Variants in SLIT2 observed in about 807,000 individuals in gnomAD.
SLIT2 encodes slit guidance ligand 2, also known as slit homolog 2 protein.
Under a neutral mutation model 185.7 loss-of-function variants are expected in SLIT2, and 41 were observed. That is an observed-to-expected ratio of 0.22 (90% CI 0.17 to 0.29). The LOEUF (loss-of-function observed/expected upper bound fraction) is 0.29, where lower values mean the gene tolerates loss of function less well. SLIT2 is among the 10% of genes least tolerant of loss of function. SLIT2 has a pLI of 1.00. For synonymous variants in SLIT2, 693 were observed against 680.2 expected, an observed-to-expected ratio of 1.02 and a Z score of -0.29; for missense variants, 1,571 against 1,909.0, an observed-to-expected ratio of 0.82 and a Z score of 3.30.
Position 20,567,357 on chromosome 4 carries a change from T to C in SLIT2, c.2821T>C (p.Tyr941His), listed in dbSNP as rs1310592888. Residue 941 changes from tyrosine to histidine, a missense_variant, in exon 27 of 37, where the codon TAC becomes CAC. Transcript: ENST00000504154. The stretch of plus-strand genomic sequence containing the variant: ...ATGTAATAGTGATCCAGTTGACTTT[T>C]ACCGATGCACCTGTCCATATGGTTT... The part of the protein sequence containing the change: ...GTCNSDPVDF[Y>H]RCTCPYGFKG... 6.2e-7 allele frequency: 1 copy of C among 1,613,322 alleles called. No individual in the cohort carries two copies. The highest frequency in any genetic ancestry group is 2.2e-5 in the East Asian group (1 of 44,860).
intron 4 of SLIT2, among the ~76,000 whole-genome samples, chr4:20,319,604 G>T (rs1296687444): frequency 2.0e-5 from 3 of 152,072 alleles, no homozygotes; most frequent in Admixed American, 1.3e-4. Context: ...AGTAATTCCA[G>T]TATGGAATTC....
At chr4:20,264,119 C>G (rs1348988289) in intron 3 of SLIT2, among the ~76,000 whole-genome samples, 1 of 151,758 alleles carries the variant, frequency 6.6e-6, no homozygotes, top group Non-Finnish European at 1.5e-5. Flanking sequence ...ACATCCCTAG[C>G]AAGGAATACA....
In SLIT2 at chr4:20,528,175, TG is replaced by T; in HGVS notation, c.1463-773del. ...ATAAACATTCTGCGGGAAGAATGCA[TG>T]TCATGTAAACAGTATTACGTTTCCA... On this transcript the variant is annotated intron_variant, in intron 15 of 36. Coordinates refer to ENST00000504154, the MANE Select transcript of SLIT2 (RefSeq NM_004787.4). This position sits in a 1 kb window ranked among gnomAD's most constrained non-coding sequence, Gnocchi z 4.2. 2.0e-6 allele frequency: 1 copy of T among 497,464 alleles called. No individual in the cohort carries two copies. Among genetic ancestry groups the T allele is most frequent in the Non-Finnish European group, 4.1e-6 (1 of 241,224 alleles). The allele number at this position is 497,464 out of a possible 1,614,324, so 30.8% of individuals were successfully genotyped here.
Position 20,284,264 on chromosome 4 carries a change from A to G in SLIT2, c.395+15383A>G, listed in dbSNP as rs1019852041. Among the ~76,000 whole-genome samples the G allele has an allele frequency of 3.3e-5, 5 of 152,214 alleles. No homozygotes were observed. In the East Asian group the frequency reaches 7.7e-4, roughly 23 times the overall value. ...TACTTTTTAACATAATGAATCCACAAACCTCTAGCCTGGGGACTTAAAAAT... is the reference window on the plus strand; with the variant it reads ...TACTTTTTAACATAATGAATCCACAGACCTCTAGCCTGGGGACTTAAAAAT... On this transcript the variant is annotated intron_variant, in intron 4 of 36. Coordinates refer to ENST00000504154, the MANE Select transcript of SLIT2 (RefSeq NM_004787.4).
intron 4 of SLIT2, among the ~76,000 whole-genome samples, chr4:20,415,171 G>A (rs1311320244): frequency 1.3e-5 from 2 of 152,114 alleles, no homozygotes; most frequent in Non-Finnish European, 2.9e-5. Context: ...CAGCACTTTG[G>A]GAGGCCGAGG....
chr4:20,546,927 G>T (rs1384713165), intron 22 of SLIT2, among the ~76,000 whole-genome samples: 1 of 152,062 alleles, frequency 6.6e-6, no homozygotes, highest in Non-Finnish European at 1.5e-5. Flanking sequence ...ATTTGTTTAA[G>T]TCTATCTAAT....
At chr4:20,518,114 TATAC>T (rs1271378883) in intron 11 of SLIT2, among the ~76,000 whole-genome samples, 1 of 142,870 alleles carries the variant, frequency 7.0e-6, no homozygotes, top group Non-Finnish European at 1.5e-5. Flanking sequence ...TATATATACA[TATAC>T]ATATATATAC....
chr4:20,607,745 C>A (rs536604044), intron 33 of SLIT2, among the ~76,000 whole-genome samples: 1 of 152,152 alleles, frequency 6.6e-6, no homozygotes, highest in Non-Finnish European at 1.5e-5. Flanking sequence ...GAATCCATTC[C>A]TTGGTAATAT....
intron 9 of SLIT2, among the ~76,000 whole-genome samples, chr4:20,508,269 G>A (rs1030793720): frequency 6.6e-6 from 1 of 151,954 alleles, no homozygotes; most frequent in African/African-American, 2.4e-5. Context: ...ATGTCCTTGG[G>A]TATGTAGGAA....
chr4:20,291,147 C>T (rs545341490), intron 4 of SLIT2, among the ~76,000 whole-genome samples: 3 of 152,118 alleles, frequency 2.0e-5, no homozygotes, highest in Admixed American at 1.3e-4. Flanking sequence ...GCATATTAGA[C>T]ACCAGAGATA....
At chr4:20,502,033 T>A (rs996315996) in intron 9 of SLIT2, among the ~76,000 whole-genome samples, 6 of 152,208 alleles carry the variant, frequency 3.9e-5, no homozygotes, top group Non-Finnish European at 8.8e-5. Context: ...TTAGGTAACA[T>A]ACATGTTATA....
intron 5 of SLIT2, among the ~76,000 whole-genome samples, chr4:20,480,252 T>C (rs1343084213): frequency 6.6e-6 from 1 of 152,166 alleles, no homozygotes; most frequent in Non-Finnish European, 1.5e-5. Context: ...AACCTAAAAG[T>C]AGTCTTGCTC....
intron 3 of SLIT2, among the ~76,000 whole-genome samples, chr4:20,267,157 T>C (rs375711637): frequency 3.7e-4 from 56 of 151,940 alleles, no homozygotes; most frequent in African/African-American, 1.2e-3. Context: ...AAAGTAACAA[T>C]CTGCATTTCA....
intron 22 of SLIT2, among the ~76,000 whole-genome samples, chr4:20,546,454 T>C (rs1723260372): frequency 1.3e-5 from 2 of 152,140 alleles, no homozygotes; most frequent in South Asian, 2.1e-4. Flanking sequence ...CCTTTATTCT[T>C]GACTTTAAGC....
chr4:20,582,116 A>G (rs182656892), intron 29 of SLIT2, among the ~76,000 whole-genome samples: 1 of 152,238 alleles, frequency 6.6e-6, no homozygotes, highest in East Asian at 1.9e-4. Context: ...GTGGGAGCCT[A>G]TTATTCATAG....
intron 26 of SLIT2, among the ~76,000 whole-genome samples, chr4:20,566,768 T>C (rs1725125486): frequency 6.6e-6 from 1 of 152,058 alleles, no homozygotes; most frequent in Admixed American, 6.6e-5. Context: ...AAAGTCGTAC[T>C]ACTGAGTCAA....
At chr4:20,260,862 T>A (rs1022010689) in intron 3 of SLIT2, among the ~76,000 whole-genome samples, 1 of 151,776 alleles carries the variant, frequency 6.6e-6, no homozygotes, top group Non-Finnish European at 1.5e-5. Flanking sequence ...CCTCCTCCTT[T>A]CTTTCCTCCT....
At chr4:20,306,691 A>C (rs1232305038) in intron 4 of SLIT2, among the ~76,000 whole-genome samples, 3 of 152,076 alleles carry the variant, frequency 2.0e-5, no homozygotes, top group Admixed American at 1.3e-4. Context: ...TCATGGAGAA[A>C]TCTTGCCTCT....
At chr4:20,417,821 C>T (rs1347474488) in intron 4 of SLIT2, among the ~76,000 whole-genome samples, 1 of 152,012 alleles carries the variant, frequency 6.6e-6, no homozygotes, top group African/African-American at 2.4e-5. Flanking sequence ...CTTAACCAGT[C>T]TTGTCTCATC....
Sources: gnomAD v4.1 joint callset for allele counts (sites outside exome capture counted in the v4.1 genomes callset) on GRCh38, gnomAD v4.1.1 for gene constraint, Gnocchi (gnomAD v3.1) non-coding constraint, MANE v1.5 for transcripts, NCBI Gene and HGNC (gene_info 2026-07-23, HGNC 2026-07-21) for gene names.